The following LAMA5 variants were observed in gnomAD, a reference collection of about 807,000 sequenced individuals.
LAMA5 encodes laminin subunit alpha-5.
A neutral mutation model predicts 433.4 loss-of-function variants in LAMA5; 260 were observed. The ratio of observed to expected loss-of-function variants is 0.60; its 90% CI spans 0.54 to 0.66. The LOEUF is 0.66. Among genes scored for constraint, LAMA5 ranks in the 30% least tolerant of loss-of-function variants. LAMA5 has a pLI of 0.00. For missense variants in LAMA5, 5,378 were observed against 5,258.5 expected, an observed-to-expected ratio of 1.02 and a Z score of -0.70; for synonymous variants, 2,620 against 2,226.6, an observed-to-expected ratio of 1.18 and a Z score of -4.97.
chr20:62,351,319 TC>T, intron 6 of LAMA5: 1 of 322,904 alleles, frequency 3.1e-6, no homozygotes, highest in Non-Finnish European at 5.9e-6. Flanking sequence ...ACCTGTCCAT[TC>T]CGGGGGATGC....
At position 62,334,260 on chromosome 20, in the gene LAMA5, C is replaced by T. The variant is rs6062223; in HGVS notation, c.2665G>A (p.Val889Met). ...TCGAGGGGGTTGAAGCCAAAGCGCA[C>T]GGCGTGACCCTCAGGTGTGGCAGCC... ...EEAATPEGHA[V>M]RFGFNPLEFE... The change falls in exon 22 of 80, where the codon GTG becomes ATG. Residue 889 changes from valine to methionine, a missense_variant. Val to Met is a conservative substitution (Grantham distance 21). Transcript: ENST00000252999. 56,591 of 1,612,568 alleles carry T rather than the reference C, an allele frequency of 0.035. 3,315 individuals carry two copies. Among genetic ancestry groups the T allele is most frequent in the African/African-American group, 0.24 (17,876 of 75,004 alleles).
Position 62,330,766 on chromosome 20 carries a change from GC to G in LAMA5, c.3828del (p.Glu1276AspfsTer79). On this transcript the variant is annotated frameshift_variant, in exon 30 of 80. Transcript: ENST00000252999. LOFTEE classifies it high-confidence loss of function. ...ACCTGGGGCTCACGCAGCAGGGTGG[GC>G]TCTGCATCAGGGTCCACAGCGGTGG... ...RPPTAVDPDA[E>X]PTLLREPQAT... 9 of 1,562,788 alleles carry G rather than the reference GC, an allele frequency of 5.8e-6. No homozygotes were observed. The highest frequency in any genetic ancestry group is 7.8e-6 in the Non-Finnish European group (9 of 1,154,490).
intron 18 of LAMA5, among the ~76,000 whole-genome samples, chr20:62,335,760 T>C (rs1319352373): frequency 9.2e-4 from 70 of 75,932 alleles, no homozygotes; most frequent in East Asian, 1.9e-3. Context: ...CCCAACACTC[T>C]CTCCAGGGCA....
intron 2 of LAMA5, among the ~76,000 whole-genome samples, chr20:62,360,214 G>A (rs1395665813): frequency 4.1e-5 from 6 of 147,424 alleles, no homozygotes; most frequent in Non-Finnish European, 9.0e-5. Flanking sequence ...GAAAGTGGGT[G>A]AGAAGGAAGG....
At chr20:62,347,659 G>A (rs1983592662) in intron 6 of LAMA5, among the ~76,000 whole-genome samples, 1 of 152,192 alleles carries the variant, frequency 6.6e-6, no homozygotes, top group Non-Finnish European at 1.5e-5. Flanking sequence ...TGGGCAGGGT[G>A]ACAGCTGGAG....
chr20:62,332,177 G>A (rs971688876), intron 28 of LAMA5, among the ~76,000 whole-genome samples, 195 bp downstream of exon 28: 8 of 152,306 alleles, frequency 5.3e-5, no homozygotes, highest in Middle Eastern at 3.4e-3. Flanking sequence ...GGAACAGCTC[G>A]GGGGTACGTC....
At position 62,333,997 on chromosome 20, in the gene LAMA5, A is replaced by G; in HGVS notation, c.2782T>C (p.Phe928Leu). The G allele has an allele frequency of 6.2e-7, 1 of 1,613,060 alleles. No individual in the cohort carries two copies. Among genetic ancestry groups the G allele is most frequent in the Non-Finnish European group, 8.5e-7 (1 of 1,179,876 alleles). Residue 928 changes from phenylalanine (F) to leucine (L), a missense_variant, in exon 23 of 80, where the codon TTC becomes CTC. Phe to Leu is a conservative substitution (Grantham distance 22). Transcript: ENST00000252999. ...TTGACGTATCGGAAGACGAGCCAGA[A>G]AAGGTCAGGGGAGGTCAGGTTCAGC... ...ARLNLTSPDLFWLVFRYVNRG... is the reference protein window; with the variant it reads ...ARLNLTSPDLLWLVFRYVNRG...
intron 16 of LAMA5, 33 bp from the exon 17 acceptor site, chr20:62,336,819 C>G (rs1443302201): frequency 6.2e-7 from 1 of 1,608,486 alleles, no homozygotes; most frequent in Non-Finnish European, 8.5e-7. Context: ...CGGTCATTTC[C>G]CAGTGACCAA....
chr20:62,322,594 C>T, intron 46 of LAMA5, 64 bp downstream of exon 46: 1 of 1,439,636 alleles, frequency 6.9e-7, no homozygotes, highest in Non-Finnish European at 9.4e-7. Context: ...ATCAGATTCT[C>T]CCCAGGCCCC....
At chr20:62,314,473 G>A in intron 61 of LAMA5, 33 bp from the exon 62 acceptor site, 1 of 1,611,886 alleles carries the variant, frequency 6.2e-7, no homozygotes, top group Non-Finnish European at 8.5e-7. Context: ...GTCGGGATGG[G>A]GACCGGGGAC....
intron 40 of LAMA5, among the ~76,000 whole-genome samples, chr20:62,326,168 C>A (rs1345517346): frequency 6.6e-6 from 1 of 151,312 alleles, no homozygotes; most frequent in Non-Finnish European, 1.5e-5. Flanking sequence ...TGCAGTAAGC[C>A]GAGATTGCAC....
At chr20:62,329,434 C>T (rs1489422158) in intron 32 of LAMA5, among the ~76,000 whole-genome samples, 181 bp from the exon 33 acceptor site, 2 of 152,202 alleles carry the variant, frequency 1.3e-5, no homozygotes, top group African/African-American at 2.4e-5. Context: ...AGCCAAACAG[C>T]AGCTTTCGGG....
At position 62,324,684 on chromosome 20, in the gene LAMA5, C is replaced by T. The variant is rs773857076; in HGVS notation, c.5530-130G>A. ...CTGGGAACCCGTGGAGCATGGTCAC[C>T]GCTGGGTCAGAGGCTGGTCAGGAAC... On this transcript the variant is annotated intron_variant, in intron 41 of 79. Transcript: ENST00000252999. The surrounding 1 kb of genome is among the most constrained non-coding windows in gnomAD (Gnocchi z 4.4). 6.9e-5 allele frequency: 46 copies of T among 662,274 alleles called. 1 individual carries two copies. In the East Asian group the frequency reaches 9.4e-4, roughly 13 times the overall value. The allele number at this position is 662,274 out of a possible 1,614,324, so 41.0% of individuals were successfully genotyped here. A position where few individuals can be genotyped will look rare whatever the true frequency, so the allele number is the denominator to read the frequency against.
At position 62,312,384 on chromosome 20, in the gene LAMA5, G is replaced by A. The variant is rs368706298; in HGVS notation, c.9360+16C>T. On this transcript the variant is annotated intron_variant, in intron 68 of 79. Coordinates refer to ENST00000252999, the MANE Select transcript of LAMA5 (RefSeq NM_005560.6). ...TGTCCACAGATGCCACCCCCAGCCC[G>A]GGGAGGGCTGCTCACCAGCAGGTCG... 1.8e-5 allele frequency: 28 copies of A among 1,599,096 alleles called. No homozygotes were observed. The African/African-American group carries it at 2.0e-4, about 11-fold the overall frequency.
intron 2 of LAMA5, among the ~76,000 whole-genome samples, chr20:62,354,651 G>C (rs1396725630): frequency 1.3e-5 from 2 of 152,140 alleles, no homozygotes; most frequent in Non-Finnish European, 2.9e-5. Flanking sequence ...GCACACAGGA[G>C]GGGGCGGTGC....
chr20:62,317,026 G>T lies in LAMA5; in HGVS notation c.7512-3C>A. On this transcript the variant is annotated splice_polypyrimidine_tract_variant and splice_region_variant and intron_variant, in intron 55 of 79. Transcript: ENST00000252999. ...CCTGGTTGACGTCCAGGATGATGCT[G>T]CAGCGGAAGGGAGGGTCGAAGGAGT... 6.6e-7 allele frequency: 1 copy of T among 1,521,756 alleles called. No homozygotes were observed. The highest frequency in any genetic ancestry group is 2.1e-5 in the Admixed American group (1 of 47,292). The allele number at this position is 1,521,756 out of a possible 1,614,324, so 94.3% of individuals were successfully genotyped here.
At position 62,320,754 on chromosome 20, in the gene LAMA5, G is replaced by A. The variant is rs1987609936; in HGVS notation, c.6633C>T (p.Ser2211=). ...AWARLHRLNA[S]IADLQSQLRS... is the part of the protein sequence containing the mutation. ...CGCTCAGTACCTGCAGGTCAGCGAT[G>A]GAGGCGTTCAGCCTGTGCAGACGGG... The change falls in exon 49 of 80, where the codon TCC becomes TCT. Residue 2211 remains serine, a synonymous_variant. Coordinates refer to ENST00000252999, the MANE Select transcript of LAMA5 (RefSeq NM_005560.6). 4 of 1,612,578 alleles carry A rather than the reference G, an allele frequency of 2.5e-6. No homozygotes were observed. The African/African-American group carries it at 4.0e-5, about 16-fold the overall frequency.
At chr20:62,362,826 C>T (rs1004937291) in intron 1 of LAMA5, among the ~76,000 whole-genome samples, 5 of 147,716 alleles carry the variant, frequency 3.4e-5, no homozygotes, top group Admixed American at 3.4e-4. Context: ...GGGAAAATCT[C>T]GGTGGGCCTC....
intron 48 of LAMA5, among the ~76,000 whole-genome samples, 160 bp downstream of exon 48, chr20:62,321,859 C>T (rs1474419060): frequency 6.6e-6 from 1 of 151,830 alleles, no homozygotes; most frequent in Non-Finnish European, 1.5e-5. Flanking sequence ...CTGCAGCGCT[C>T]CTCAGCGTGG....
Sources: allele counts gnomAD v4.1 joint callset (sites outside exome capture counted in the v4.1 genomes callset), GRCh38; gene constraint gnomAD v4.1.1; non-coding constraint Gnocchi (gnomAD v3.1); transcripts MANE v1.5; gene names NCBI Gene and HGNC (gene_info 2026-07-23, HGNC 2026-07-21).